Variants in MBD5 observed in about 807,000 individuals in gnomAD.
MBD5 encodes methyl-CpG-binding domain protein 5.
MBD5 carries 13 observed loss-of-function variants against 117.3 expected under a neutral mutation model. The observed-to-expected ratio is 0.11, with a 90% CI of 0.07 to 0.18. The LOEUF is 0.18. Among genes scored for constraint, MBD5 ranks in the 10% least tolerant of loss-of-function variants. MBD5 has a pLI of 1.00. For synonymous variants in MBD5, 727 were observed against 766.4 expected, an observed-to-expected ratio of 0.95 and a Z score of 0.85; for missense variants, 1,879 against 2,093.8, an observed-to-expected ratio of 0.90 and a Z score of 2.00.
chr2:148,232,272 T>C (rs1183939067), intron 2 of MBD5, among the ~76,000 whole-genome samples: 1 of 152,166 alleles, frequency 6.6e-6, no homozygotes, highest in Non-Finnish European at 1.5e-5. Context: ...GGAAAGTCTT[T>C]GGGGGATTTT....
intron 1 of MBD5, among the ~76,000 whole-genome samples, chr2:148,049,893 C>T (rs1412785857): frequency 6.6e-6 from 1 of 152,170 alleles, no homozygotes; most frequent in Admixed American, 6.5e-5. Flanking sequence ...GTACTTCAAT[C>T]TCCTTTATGG....
intron 2 of MBD5, among the ~76,000 whole-genome samples, chr2:148,183,372 A>G (rs1459097832): frequency 1.3e-5 from 2 of 152,186 alleles, no homozygotes; most frequent in Non-Finnish European, 2.9e-5. Context: ...GATCATAAGC[A>G]GGAAGTTCAT....
intron 1 of MBD5, among the ~76,000 whole-genome samples, chr2:148,124,540 G>A (rs1208747602): frequency 6.6e-6 from 1 of 150,400 alleles, no homozygotes; most frequent in Admixed American, 6.6e-5. Flanking sequence ...ATTGTGCTAC[G>A]GAACTCCAGC....
At chr2:148,027,379 T>C (rs1693927426) in intron 1 of MBD5, 1 of 152,084 alleles carries the variant, frequency 6.6e-6, no homozygotes, top group Admixed American at 6.6e-5. Context: ...GGTAGTTGAG[T>C]TTTACATCCT....
In MBD5 at chr2:148,132,329, TACATATATATATATATATATAC is replaced by T. The variant is rs1224736000; in HGVS notation, c.-924-46353_-924-46332del. Among the ~76,000 whole-genome samples, 62 of 12,836 alleles carry T rather than the reference TACATATATATATATATATATAC, an allele frequency of 4.8e-3. No homozygotes were observed. In the East Asian group the frequency reaches 0.14, roughly 30 times the overall value. 8.4% of individuals were successfully genotyped at this position (12,836 alleles called of 152,430 possible). ...AAAACAGGAAAAGAAATTATATATA[TACATATATATATATATATATAC>T]ACATATATATATATATAGATGATTC... On this transcript the variant is annotated intron_variant, in intron 1 of 13. Transcript: ENST00000642680.
At position 148,327,218 on chromosome 2, in the gene MBD5, A is replaced by G. The variant is rs555025599; in HGVS notation, c.-679-14996A>G. Among the ~76,000 whole-genome samples the G allele has an allele frequency of 2.6e-5, 4 of 152,150 alleles. No homozygotes were observed. The South Asian group carries it at 8.3e-4, about 32-fold the overall frequency. ...TGCCGAGAGATCTGCTGTTAGTCTT[A>G]TGGGCTTCCCTTTGAGGGTAGCCTG... On this transcript the variant is annotated intron_variant, in intron 3 of 13. Coordinates refer to ENST00000642680, the MANE Select transcript of MBD5 (RefSeq NM_001378120.1).
At chr2:148,426,157 C>A (rs572620112) in intron 4 of MBD5, among the ~76,000 whole-genome samples, 19 of 152,148 alleles carry the variant, frequency 1.2e-4, no homozygotes, top group Non-Finnish European at 2.6e-4. Flanking sequence ...GAAGAGGATA[C>A]AAACAAGTGG....
At chr2:148,147,254 T>A (rs1476697582) in intron 1 of MBD5, among the ~76,000 whole-genome samples, 1 of 151,978 alleles carries the variant, frequency 6.6e-6, no homozygotes, top group Non-Finnish European at 1.5e-5. Flanking sequence ...TATTTTATTT[T>A]TTTTCTGAGA....
At chr2:148,032,264 A>G (rs1694059579) in intron 1 of MBD5, among the ~76,000 whole-genome samples, 1 of 152,178 alleles carries the variant, frequency 6.6e-6, no homozygotes, top group African/African-American at 2.4e-5. Flanking sequence ...CGGAACTTAT[A>G]TCTAAAGATA....
chr2:148,056,948 A>G (rs1014557507), intron 1 of MBD5, among the ~76,000 whole-genome samples: 1 of 151,854 alleles, frequency 6.6e-6, no homozygotes, highest in Admixed American at 6.6e-5. Flanking sequence ...TTCTTTAGAT[A>G]ATACATTGTA....
chr2:148,046,293 T>C (rs1166440091), intron 1 of MBD5, among the ~76,000 whole-genome samples: 1 of 152,172 alleles, frequency 6.6e-6, no homozygotes, highest in African/African-American at 2.4e-5. Context: ...TAATGAAGGC[T>C]TTTTATACAC....
Position 148,469,056 on chromosome 2 carries a change from G to C in MBD5, c.1113G>C (p.Gln371His). Residue 371 changes from glutamine (Q) to histidine (H), a missense_variant, in exon 8 of 14, where the codon CAG (glutamine) becomes CAC (histidine). Coordinates refer to ENST00000642680, the MANE Select transcript of MBD5 (RefSeq NM_001378120.1). ...CTATTCCTAGTAAACCAGTGAATCAGAACCCTGTTATCATTAATCCAACCA... is the reference window on the plus strand; with the variant it reads ...CTATTCCTAGTAAACCAGTGAATCACAACCCTGTTATCATTAATCCAACCA... Reference protein sequence around the residue: ...LDPIPSKPVNQNPVIINPTSF... With the variant: ...LDPIPSKPVNHNPVIINPTSF... The C allele has an allele frequency of 6.2e-7, 1 of 1,613,804 alleles. No homozygotes were observed. Among genetic ancestry groups the C allele is most frequent in the Non-Finnish European group, 8.5e-7 (1 of 1,179,940 alleles).
intron 4 of MBD5, among the ~76,000 whole-genome samples, chr2:148,425,197 A>G (rs1364002855): frequency 6.6e-6 from 1 of 152,208 alleles, no homozygotes; most frequent in Admixed American, 6.5e-5. Context: ...AAAATGATAA[A>G]GGGAATATCA....
intron 3 of MBD5, among the ~76,000 whole-genome samples, chr2:148,314,060 C>T (rs1702098486): frequency 6.6e-6 from 1 of 152,016 alleles, no homozygotes; most frequent in Non-Finnish European, 1.5e-5. Flanking sequence ...TCGCTGGGAG[C>T]TGCAGATCGG....
intron 3 of MBD5, among the ~76,000 whole-genome samples, chr2:148,333,319 A>G (rs1204142353): frequency 2.0e-5 from 3 of 152,138 alleles, no homozygotes; most frequent in Non-Finnish European, 4.4e-5. Context: ...TGAATTTCCT[A>G]GATCTGACTG....
intron 3 of MBD5, among the ~76,000 whole-genome samples, chr2:148,263,965 A>G (rs1700792589): frequency 6.6e-6 from 1 of 152,196 alleles, no homozygotes; most frequent in African/African-American, 2.4e-5. Context: ...TATTAGAGAA[A>G]GCAGACATTT....
intron 3 of MBD5, among the ~76,000 whole-genome samples, chr2:148,295,017 A>G (rs1284360835): frequency 6.6e-6 from 1 of 152,104 alleles, no homozygotes; most frequent in Non-Finnish European, 1.5e-5. Context: ...GATGTGTCTG[A>G]GTATGATTCT....
At chr2:148,039,211 A>G (rs766450755) in intron 1 of MBD5, among the ~76,000 whole-genome samples, 5 of 152,028 alleles carry the variant, frequency 3.3e-5, no homozygotes, top group Non-Finnish European at 5.9e-5. Context: ...TAGGTATCCC[A>G]TATCATATTT....
At chr2:148,095,728 A>G (rs775582713) in intron 1 of MBD5, among the ~76,000 whole-genome samples, 32 of 136,888 alleles carry the variant, frequency 2.3e-4, no homozygotes, top group Non-Finnish European at 4.9e-4. Context: ...ATTCTGAGTT[A>G]GTTTTTTTTT....
Sources: allele counts gnomAD v4.1 joint callset (sites outside exome capture counted in the v4.1 genomes callset), GRCh38; gene constraint gnomAD v4.1.1; transcripts MANE v1.5; gene names NCBI Gene and HGNC (gene_info 2026-07-23, HGNC 2026-07-21).